Variants in ISLR2 observed in about 807,000 individuals in gnomAD.
ISLR2 encodes immunoglobulin superfamily containing leucine-rich repeat protein 2.
In ISLR2, 16 loss-of-function variants were observed where a neutral mutation model predicts 25.5. The ratio of observed to expected loss-of-function variants is 0.63; its 90% confidence interval spans 0.43 to 0.95. ISLR2 has a LOEUF of 0.95. ISLR2 is among the 40% of genes least tolerant of loss of function. The pLI, the probability that ISLR2 is intolerant of heterozygous loss-of-function variation, is 0.00. For synonymous variants in ISLR2, 508 were observed against 486.6 expected, an observed-to-expected ratio of 1.04 and a Z score of -0.58; for missense variants, 883 against 1,030.7, an observed-to-expected ratio of 0.86 and a Z score of 1.96.
chr15:74,100,385 T>A (rs2072075346), exon 1 of ISLR2: 4 of 1,176,122 alleles, frequency 3.4e-6, no homozygotes, highest in Non-Finnish European at 4.3e-6. Flanking sequence ...CGTCTGCTCC[T>A]CCGTCTCCCA....
chr15:74,116,660 T>C (rs1394025230), intron 2 of ISLR2, among the ~76,000 whole-genome samples: 2 of 152,170 alleles, frequency 1.3e-5, no homozygotes, highest in African/African-American at 4.8e-5. Context: ...TAGAAATAAT[T>C]GACTGAGGCA....
chr15:74,136,702 G>A lies in ISLR2; in HGVS notation c.*1710G>A, dbSNP rs954596906. On this transcript the variant is annotated 3_prime_UTR_variant, in exon 3 of 3. Coordinates refer to ENST00000453268, the MANE Select transcript of ISLR2 (RefSeq NM_020851.3). ...AGTCCTCGGGATCAGCCCTCTCCGC[G>A]AAGCGCAGCACAAGCGCGGGCCTGG... The A allele has an allele frequency of 1.8e-5, 3 of 167,002 alleles. No homozygotes were observed. Among genetic ancestry groups the A allele is most frequent in the African/African-American group, 7.2e-5 (3 of 41,462 alleles). 10.3% of individuals were successfully genotyped at this position (167,002 alleles called of 1,614,324 possible).
chr15:74,129,092 G>GGAC (rs1452939369), upstream of ISLR2: 5 of 456,078 alleles, frequency 1.1e-5, no homozygotes, highest in African/African-American at 1.0e-4. This position sits in a 1 kb window ranked among gnomAD's most constrained non-coding sequence, Gnocchi z 4.5. Flanking sequence ...CCCTCCCCAT[G>GGAC]GGTCGGCGGG....
downstream of ISLR2, among the ~76,000 whole-genome samples, chr15:74,138,963 A>T (rs988839206): frequency 3.3e-5 from 5 of 152,128 alleles, no homozygotes; most frequent in African/African-American, 1.2e-4. Context: ...GTGCAACTCA[A>T]TCATCTGGTC....
In ISLR2 at chr15:74,134,908, G is replaced by T. The variant is rs760092051; in HGVS notation, c.2154G>T (p.Glu718Asp). The change falls in exon 3 of 3, where the codon GAG becomes GAT. Residue 718 changes from glutamate (E) to aspartate (D), a missense_variant. Transcript: ENST00000453268. Reference sequence around the variant, plus strand: ...AAGAGGAGTTCGAGGCGGGCTCTGAGTACAGCGATCGGCTGCCCCTGGGCG... The same window carrying T: ...AAGAGGAGTTCGAGGCGGGCTCTGATTACAGCGATCGGCTGCCCCTGGGCG... ...ANQEEFEAGS[E>D]YSDRLPLGAE... The T allele has an allele frequency of 6.2e-7, 1 of 1,614,012 alleles. No homozygotes were observed. The highest frequency in any genetic ancestry group is 8.5e-7 in the Non-Finnish European group (1 of 1,180,006).
chr15:74,141,062 G>T (rs574415272), downstream of ISLR2, among the ~76,000 whole-genome samples: 1 of 152,346 alleles, frequency 6.6e-6, no homozygotes, highest in East Asian at 1.9e-4. Context: ...GGTTAAATTA[G>T]TTGGAAAGAC....
intron 2 of ISLR2, among the ~76,000 whole-genome samples, 178 bp downstream of exon 2, chr15:74,131,494 G>A (rs1368425941): frequency 3.9e-5 from 6 of 152,198 alleles, no homozygotes; most frequent in Non-Finnish European, 7.3e-5. Flanking sequence ...AAGACAAGTT[G>A]TGGGAGGGGC....
At position 74,134,539 on chromosome 15, in the gene ISLR2, A is replaced by C. The variant is rs776745632; in HGVS notation, c.1785A>C (p.Ala595=). Residue 595 remains alanine, a synonymous_variant, in exon 3 of 3, where the codon GCA becomes GCC. Coordinates refer to ENST00000453268, the MANE Select transcript of ISLR2 (RefSeq NM_020851.3). ...KELPSLLVIV[A]VSVFLLVLAT... is the part of the protein sequence containing the mutation. ...TCCCATCGCTGCTGGTCATAGTGGC[A>C]GTGAGCGTATTCCTCCTGGTGCTGG... 10 of 1,613,982 alleles carry C rather than the reference A, an allele frequency of 6.2e-6. No homozygotes were observed. Among genetic ancestry groups the C allele is most frequent in the Middle Eastern group, 3.3e-4 (2 of 6,084 alleles).
chr15:74,112,148 C>T (rs1440215588), intron 2 of ISLR2, among the ~76,000 whole-genome samples: 1 of 152,138 alleles, frequency 6.6e-6, no homozygotes, highest in African/African-American at 2.4e-5. Context: ...GTATGCAGGT[C>T]TGGAAAAACC....
rs1416026985 is a variant in ISLR2, at chr15:74,135,159, G to A, written c.*167G>A. 2.6e-6 allele frequency: 2 copies of A among 759,114 alleles called. No individual in the cohort carries two copies. Among genetic ancestry groups the A allele is most frequent in the African/African-American group, 1.8e-5 (1 of 56,686 alleles). 47.0% of individuals were successfully genotyped at this position (759,114 alleles called of 1,614,324 possible). A position where few individuals can be genotyped will look rare whatever the true frequency, so the allele number is the denominator to read the frequency against. ...AGGGACTTCTATTAGGGAGTGGGCC[G>A]ATTTCACCAGTCCCTGCTACCCACG... On this transcript the variant is annotated 3_prime_UTR_variant, in exon 3 of 3. Coordinates refer to ENST00000453268, the MANE Select transcript of ISLR2 (RefSeq NM_020851.3).
rs2072088966 is a variant in ISLR2, at chr15:74,102,627, A to G, written n.160-1219A>G. ...GACTGAGGTGGGGCCTGAGCATTGCATGTCTGTGTTCCCAGGTGACACTGG... is the reference window on the plus strand; with the variant it reads ...GACTGAGGTGGGGCCTGAGCATTGCGTGTCTGTGTTCCCAGGTGACACTGG... On this transcript the variant is annotated intron_variant and non_coding_transcript_variant, in intron 1 of 3. Transcript: ENST00000561975. 2.0e-5 allele frequency among the ~76,000 whole-genome samples: 3 copies of G among 151,956 alleles called. 1 individual carries two copies. Among genetic ancestry groups the G allele is most frequent in the African/African-American group, 7.3e-5 (3 of 41,202 alleles).
chr15:74,114,769 C>A (rs1187414198), intron 2 of ISLR2, among the ~76,000 whole-genome samples: 2 of 152,046 alleles, frequency 1.3e-5, no homozygotes, highest in African/African-American at 4.8e-5. Flanking sequence ...GAGAACAGGT[C>A]GAGCAGAACT....
In ISLR2 at chr15:74,134,118, A is replaced by G. The variant is rs1276304933; in HGVS notation, c.1364A>G (p.Glu455Gly). ...AEDQILADPA[E>G]EQRCGNGDPS... is the part of the protein sequence containing the mutation. ...GACCAGATCCTCGCGGACCCGGCGG[A>G]GGAGCAGCGCTGTGGCAACGGGGAC... The change falls in exon 3 of 3, where the codon GAG (glutamate) becomes GGG (glycine). Residue 455 changes from glutamate to glycine, a missense_variant. Glu to Gly is a moderately conservative substitution (Grantham distance 98). Coordinates refer to ENST00000453268, the MANE Select transcript of ISLR2 (RefSeq NM_020851.3). The G allele has an allele frequency of 6.2e-7, 1 of 1,613,658 alleles. No homozygotes were observed. The highest frequency in any genetic ancestry group is 1.7e-5 in the Admixed American group (1 of 59,984).
upstream of ISLR2, chr15:74,127,811 T>G (rs543040491): frequency 1.3e-5 from 2 of 151,090 alleles, no homozygotes; most frequent in African/African-American, 2.4e-5. Context: ...CTCCCGACGC[T>G]CCGGGTTCGC....
rs555871955 is a variant in ISLR2, at chr15:74,120,473, G to A, written n.229-10734G>A. On this transcript the variant is annotated intron_variant and non_coding_transcript_variant, in intron 2 of 3. Transcript: ENST00000561975. ...GGAGGTGGAGGTTGCAGTGAGTCGA[G>A]ATTGAACCACTGCAAACCAGCCTGG... 6.2e-4 allele frequency among the ~76,000 whole-genome samples: 90 copies of A among 144,182 alleles called. 1 individual carries two copies. Among genetic ancestry groups the A allele is most frequent in the African/African-American group, 2.2e-3 (84 of 38,392 alleles). 94.6% of individuals were successfully genotyped at this position (144,182 alleles called of 152,430 possible).
chr15:74,134,574 C>A lies in ISLR2; in HGVS notation c.1820C>A (p.Pro607His), dbSNP rs1200271192. Residue 607 changes from proline to histidine, a missense_variant, in exon 3 of 3, where the codon CCC (proline) becomes CAC (histidine). Around this residue, in one of 2 missense-constraint regions of ISLR2, gnomAD observed 612 missense variants for 642.8 expected, o/e 0.95. Transcript: ENST00000453268. Reference protein sequence around the residue: ...SVFLLVLATVPLLGAACCHLL... With the variant: ...SVFLLVLATVHLLGAACCHLL... ...TTCCTCCTGGTGCTGGCCACAGTGC[C>A]CCTTCTGGGCGCCGCCTGCTGCCAT... The A allele has an allele frequency of 6.2e-7, 1 of 1,614,160 alleles. No individual in the cohort carries two copies. Among genetic ancestry groups the A allele is most frequent in the Admixed American group, 1.7e-5 (1 of 60,038 alleles).
intron 1 of ISLR2, among the ~76,000 whole-genome samples, chr15:74,130,850 A>C (rs989926876): frequency 6.6e-6 from 1 of 152,028 alleles, no homozygotes; most frequent in Non-Finnish European, 1.5e-5. Flanking sequence ...TGGTGTGATC[A>C]GGGACAGTAA....
rs1373243961 is a variant in ISLR2, at chr15:74,133,456, C to T, written c.702C>T (p.Ser234=). The T allele has an allele frequency of 6.8e-6, 11 of 1,611,522 alleles. No homozygotes were observed. Among genetic ancestry groups the T allele is most frequent in the Non-Finnish European group, 9.3e-6 (11 of 1,179,694 alleles). The part of the protein sequence containing the change: ...RLPALPCAPP[S]VHLSAEPPLE... ...CCGCCCTGCCCTGTGCACCGCCCAG[C>T]GTGCATCTGAGTGCCGAGCCACCGC... is the stretch of plus-strand genomic sequence containing the variant. Residue 234 remains serine, a synonymous_variant, in exon 3 of 3, where the codon AGC becomes AGT. Transcript: ENST00000453268.
chr15:74,122,944 G>A (rs1406467333), intron 2 of ISLR2, among the ~76,000 whole-genome samples: 1 of 152,142 alleles, frequency 6.6e-6, no homozygotes, highest in Non-Finnish European at 1.5e-5. Flanking sequence ...TGTGTTTATT[G>A]TGGCCTTTCT....
Sources: gnomAD v4.1 joint callset for allele counts (sites outside exome capture counted in the v4.1 genomes callset) on GRCh38, gnomAD v4.1.1 for gene constraint, gnomAD v4.1.1 regional missense constraint, Gnocchi (gnomAD v3.1) non-coding constraint, MANE v1.5 for transcripts, NCBI Gene and HGNC (gene_info 2026-07-23, HGNC 2026-07-21) for gene names.